Variants in SPAG16 observed in about 807,000 individuals in gnomAD.
SPAG16 encodes the protein sperm associated antigen 16, also known as sperm-associated antigen 16 protein.
In SPAG16, 86 loss-of-function variants were observed where a neutral mutation model predicts 80.4. The ratio of observed to expected loss-of-function variants is 1.07; its 90% CI spans 0.90 to 1.28. SPAG16 has a LOEUF of 1.28. Among genes scored for constraint, SPAG16 ranks in the 50% most tolerant of loss-of-function variants. The pLI is 0.00. For synonymous variants in SPAG16, 294 were observed against 265.9 expected (o/e 1.11, Z -1.03); for missense variants, 870 against 765.3 (o/e 1.14, Z -1.61).
At chr2:213,632,058 T>C (rs1277461426) in intron 10 of SPAG16, among the ~76,000 whole-genome samples, 1 of 152,178 alleles carries the variant, frequency 6.6e-6, no homozygotes, top group Non-Finnish European at 1.5e-5. Context: ...ATTGAATCTG[T>C]AGATTGTTTT....
At chr2:213,727,554 A>T (rs2066825634) in intron 10 of SPAG16, among the ~76,000 whole-genome samples, 1 of 152,186 alleles carries the variant, frequency 6.6e-6, no homozygotes, top group Admixed American at 6.5e-5. Flanking sequence ...AGCAAGGAGA[A>T]CTGGTACAAA....
chr2:213,290,407 C>T (rs1375944560), intron 1 of SPAG16, among the ~76,000 whole-genome samples: 1 of 152,096 alleles, frequency 6.6e-6, no homozygotes, highest in Non-Finnish European at 1.5e-5. Context: ...ATGGACACTA[C>T]CCCAGGCAAG....
intron 13 of SPAG16, among the ~76,000 whole-genome samples, chr2:214,063,429 C>A (rs990928144): frequency 1.3e-5 from 2 of 152,170 alleles, no homozygotes; most frequent in Admixed American, 1.3e-4. Flanking sequence ...TCCAAGATGG[C>A]GCCCTTTTGG....
intron 10 of SPAG16, among the ~76,000 whole-genome samples, chr2:213,808,806 A>T (rs932442868): frequency 2.0e-5 from 3 of 152,176 alleles, no homozygotes; most frequent in Non-Finnish European, 2.9e-5. Flanking sequence ...AAAGATACAG[A>T]AAAGTGTCTA....
chr2:213,295,978 C>G, intron 1 of SPAG16, 86 bp from the exon 2 acceptor site: 2 of 1,126,326 alleles, frequency 1.8e-6, no homozygotes, highest in South Asian at 2.6e-5. Flanking sequence ...TAGTTGAATC[C>G]AATACTATAT....
At chr2:213,353,478 A>G (rs371542551) in intron 7 of SPAG16, among the ~76,000 whole-genome samples, 3 of 152,198 alleles carry the variant, frequency 2.0e-5, no homozygotes, top group Admixed American at 6.5e-5. Flanking sequence ...TTCTAGCACA[A>G]TGTAAAATAT....
chr2:213,913,938 G>A (rs928077451), intron 11 of SPAG16, among the ~76,000 whole-genome samples: 5 of 152,032 alleles, frequency 3.3e-5, no homozygotes, highest in Non-Finnish European at 7.4e-5. Context: ...CTGATTGGAA[G>A]AAGCCCACTC....
intron 15 of SPAG16, among the ~76,000 whole-genome samples, chr2:214,283,143 C>T (rs1237848978): frequency 4.6e-5 from 7 of 150,832 alleles, no homozygotes; most frequent in South Asian, 2.1e-4. Flanking sequence ...AATTGCAGGG[C>T]CCACCAGTCT....
At chr2:214,033,967 G>A (rs1344551475) in intron 13 of SPAG16, among the ~76,000 whole-genome samples, 7 of 152,126 alleles carry the variant, frequency 4.6e-5, no homozygotes, top group South Asian at 2.1e-4. Flanking sequence ...CCATAATCAT[G>A]TATTGCATTC....
chr2:214,047,687 T>A (rs2049409093), intron 13 of SPAG16, among the ~76,000 whole-genome samples: 2 of 152,068 alleles, frequency 1.3e-5, no homozygotes, highest in Admixed American at 1.3e-4. Context: ...CAAACATGGA[T>A]AAACAGGAAC....
chr2:214,029,325 G>A (rs1239051141), intron 13 of SPAG16, among the ~76,000 whole-genome samples: 1 of 152,036 alleles, frequency 6.6e-6, no homozygotes, highest in Non-Finnish European at 1.5e-5. Flanking sequence ...AATGAGGCCA[G>A]AGAGTGTTGG....
chr2:213,642,514 T>C (rs1009554473), intron 10 of SPAG16, among the ~76,000 whole-genome samples: 3 of 151,794 alleles, frequency 2.0e-5, no homozygotes, highest in Admixed American at 1.3e-4. Context: ...TTTGAGTCAG[T>C]GGGTTGGGAA....
intron 10 of SPAG16, among the ~76,000 whole-genome samples, chr2:213,678,445 C>A (rs993662839): frequency 6.6e-6 from 1 of 151,938 alleles, no homozygotes; most frequent in Non-Finnish European, 1.5e-5. Flanking sequence ...ATATCACCAC[C>A]GATCCCACAG....
intron 14 of SPAG16, among the ~76,000 whole-genome samples, chr2:214,114,956 T>C (rs11898517): frequency 1.4e-4 from 22 of 152,338 alleles, no homozygotes; most frequent in East Asian, 1.4e-3. Flanking sequence ...CTCGCTAATA[T>C]GTTTTTATTT....
At chr2:214,202,721 A>T (rs1188970675) in intron 15 of SPAG16, among the ~76,000 whole-genome samples, 1 of 152,166 alleles carries the variant, frequency 6.6e-6, no homozygotes, top group Non-Finnish European at 1.5e-5. Context: ...AGCTAATCTG[A>T]TCTACATCTT....
intron 9 of SPAG16, among the ~76,000 whole-genome samples, chr2:213,435,833 G>A (rs1412862377): frequency 6.6e-6 from 1 of 152,118 alleles, no homozygotes; most frequent in Non-Finnish European, 1.5e-5. Flanking sequence ...AAGGGTCAAC[G>A]TTAATCATCT....
chr2:214,190,568 T>C (rs1196768999), intron 15 of SPAG16, among the ~76,000 whole-genome samples: 1 of 152,140 alleles, frequency 6.6e-6, no homozygotes, highest in Non-Finnish European at 1.5e-5. Flanking sequence ...GCCTGTTGTA[T>C]ATGATATATC....
intron 5 of SPAG16, among the ~76,000 whole-genome samples, chr2:213,339,024 TA>T (rs11329467): frequency 0.91 from 133,423 of 146,238 alleles, 60,973 homozygotes; most frequent in East Asian, 0.99. Flanking sequence ...CCCCAGAACT[TA>T]AAAAAAAAAA....
rs773025573 is a variant in SPAG16, at chr2:214,108,219, T to C, written c.1551T>C (p.Tyr517=). 12 of 1,602,008 alleles carry C rather than the reference T, an allele frequency of 7.5e-6. No homozygotes were observed. The South Asian group carries it at 8.9e-5, about 12-fold the overall frequency. Residue 517 remains tyrosine (Y), a synonymous_variant, in exon 14 of 16, where the codon TAT becomes TAC. Transcript: ENST00000331683. The part of the protein sequence containing the change: ...ARTGICEQSL[Y]GHMHSINDAI... ...AGGGTATATGTGAGCAGTCACTTTA[T>C]GGTCACATGCATTCTATCAATGATG...
Sources: gnomAD v4.1 joint callset for allele counts (sites outside exome capture counted in the v4.1 genomes callset) on GRCh38, gnomAD v4.1.1 for gene constraint, MANE v1.5 for transcripts, NCBI Gene and HGNC (gene_info 2026-07-23, HGNC 2026-07-21) for gene names.